Variants in SRPK2 observed in about 807,000 individuals in gnomAD.
SRPK2 encodes the protein SRSF protein kinase 2.
A neutral mutation model predicts 90.8 loss-of-function variants in SRPK2; 21 were observed. The ratio of observed to expected loss-of-function variants is 0.23; its 90% confidence interval spans 0.16 to 0.33. The LOEUF is 0.33. SRPK2 is among the 10% of genes least tolerant of loss of function. SRPK2 has a pLI of 1.00. For missense variants in SRPK2, 620 were observed against 869.0 expected (o/e 0.71, Z 3.60); for synonymous variants, 288 against 311.1 (o/e 0.93, Z 0.78).
intron 2 of SRPK2, among the ~76,000 whole-genome samples, chr7:105,322,020 T>C (rs1441550699): frequency 1.3e-5 from 2 of 152,120 alleles, no homozygotes; most frequent in African/African-American, 2.4e-5. Context: ...TTATCCACAA[T>C]AGCCAAAAAG....
intron 2 of SRPK2, among the ~76,000 whole-genome samples, chr7:105,365,217 G>GCTCA (rs1818885081): frequency 6.6e-6 from 1 of 152,100 alleles, no homozygotes; most frequent in South Asian, 2.1e-4. Flanking sequence ...AGGCACAGTG[G>GCTCA]CTCACGCCTG....
At chr7:105,260,180 C>T (rs945528895) in intron 2 of SRPK2, among the ~76,000 whole-genome samples, 5 of 151,946 alleles carry the variant, frequency 3.3e-5, no homozygotes, top group African/African-American at 1.2e-4. Context: ...GAACTTAAAC[C>T]AATTTACAAG....
chr7:105,343,733 A>C (rs901398407), intron 2 of SRPK2, among the ~76,000 whole-genome samples: 3 of 152,126 alleles, frequency 2.0e-5, no homozygotes, highest in Non-Finnish European at 4.4e-5. Context: ...ATAAATCTTT[A>C]TCTCTTAGTT....
intron 2 of SRPK2, among the ~76,000 whole-genome samples, chr7:105,224,824 T>C (rs1464954370): frequency 6.6e-6 from 1 of 152,184 alleles, no homozygotes; most frequent in Non-Finnish European, 1.5e-5. Context: ...TCAGTTAGTA[T>C]TCAAAGTGAA....
intron 2 of SRPK2, among the ~76,000 whole-genome samples, chr7:105,377,225 C>T (rs940719012): frequency 7.2e-5 from 11 of 152,178 alleles, no homozygotes; most frequent in African/African-American, 2.7e-4. Context: ...CCTTTACCAA[C>T]CCTACCTGTA....
At chr7:105,271,564 A>G (rs1176773662) in intron 2 of SRPK2, among the ~76,000 whole-genome samples, 1 of 152,194 alleles carries the variant, frequency 6.6e-6, no homozygotes. Context: ...ACATTCGTGA[A>G]GAATTCCAGA....
chr7:105,355,330 T>C (rs567452064), intron 2 of SRPK2, among the ~76,000 whole-genome samples: 2 of 150,740 alleles, frequency 1.3e-5, no homozygotes, highest in Admixed American at 1.3e-4. Context: ...ACCTCATCTC[T>C]ACGAAAAAAA....
At chr7:105,176,952 G>C (rs1021548111) in intron 3 of SRPK2, among the ~76,000 whole-genome samples, 6 of 152,006 alleles carry the variant, frequency 3.9e-5, no homozygotes, top group African/African-American at 1.5e-4. Context: ...ATATTTTCTT[G>C]AGTGAAGTAA....
chr7:105,331,308 CAAAAAAAAAAAAAA>C (rs57653042), intron 2 of SRPK2, among the ~76,000 whole-genome samples: 31 of 45,106 alleles, frequency 6.9e-4, no homozygotes, highest in East Asian at 3.3e-3. Context: ...GACTCCGTCT[CAAAAAAAAAAAAAA>C]AAAAAAAAAA....
At chr7:105,252,675 TTGAG>T (rs1802634658) in intron 2 of SRPK2, among the ~76,000 whole-genome samples, 1 of 152,116 alleles carries the variant, frequency 6.6e-6, no homozygotes, top group African/African-American at 2.4e-5. Context: ...TATATATCCA[TTGAG>T]TAAGAATTTC....
chr7:105,213,307 C>T (rs997725137), intron 2 of SRPK2, among the ~76,000 whole-genome samples: 10 of 152,118 alleles, frequency 6.6e-5, no homozygotes, highest in Admixed American at 2.0e-4. Flanking sequence ...GCATAGAATA[C>T]GGTAGGGATT....
upstream of SRPK2, among the ~76,000 whole-genome samples, chr7:105,393,459 CTTTTTTTTTTTT>C (rs58162170): frequency 1.1e-4 from 9 of 81,214 alleles, no homozygotes; most frequent in African/African-American, 4.0e-4. Context: ...TCTGGTTTTT[CTTTTTTTTTTTT>C]TTTTTTTTTT....
At chr7:105,290,208 A>AC (rs1563198806) in intron 2 of SRPK2, among the ~76,000 whole-genome samples, 1 of 152,132 alleles carries the variant, frequency 6.6e-6, no homozygotes, top group Non-Finnish European at 1.5e-5. Context: ...AAAAAAAAAA[A>AC]AAAAATGGCA....
intron 3 of SRPK2, among the ~76,000 whole-genome samples, chr7:105,184,605 T>A (rs1333508783): frequency 6.6e-6 from 1 of 152,208 alleles, no homozygotes; most frequent in Non-Finnish European, 1.5e-5. Context: ...CTAGAAGCTT[T>A]TAACTTCAGT....
intron 2 of SRPK2, among the ~76,000 whole-genome samples, chr7:105,226,835 T>C (rs534280242): frequency 2.0e-5 from 3 of 151,902 alleles, no homozygotes; most frequent in East Asian, 3.9e-4. Context: ...CCATCTCTAC[T>C]AAAAATAGAA....
chr7:105,239,300 A>T (rs1360470646), intron 2 of SRPK2, among the ~76,000 whole-genome samples: 1 of 152,260 alleles, frequency 6.6e-6, no homozygotes, highest in Non-Finnish European at 1.5e-5. Context: ...TTCTCAAACA[A>T]AAGCTACAAT....
Position 105,160,440 on chromosome 7 carries a change from C to T in SRPK2, c.621+67G>A, listed in dbSNP as rs766831205. The T allele has an allele frequency of 1.8e-4, 153 of 842,512 alleles. 2 individuals are homozygous for T. In the African/African-American group the frequency reaches 1.9e-3, roughly 11 times the overall value. The allele number at this position is 842,512 out of a possible 1,614,324, so 52.2% of individuals were successfully genotyped here. On this transcript the variant is annotated intron_variant, in intron 7 of 15. Transcript: ENST00000393651. ...TGTAATACATATACATATTTGTAAA[C>T]AGCATTCATGTTGAAAGCCTAACCA...
At chr7:105,345,061 A>C (rs1816295064) in intron 2 of SRPK2, among the ~76,000 whole-genome samples, 1 of 151,892 alleles carries the variant, frequency 6.6e-6, no homozygotes, top group African/African-American at 2.4e-5. Flanking sequence ...ACTTGAAACC[A>C]GGAGGCGGAG....
chr7:105,372,027 C>T (rs1217818856), intron 2 of SRPK2, among the ~76,000 whole-genome samples: 1 of 151,068 alleles, frequency 6.6e-6, no homozygotes, highest in African/African-American at 2.4e-5. Context: ...CCCAGTTACT[C>T]AGGAGGCTGA....
Sources: gnomAD v4.1 joint callset for allele counts (sites outside exome capture counted in the v4.1 genomes callset) on GRCh38, gnomAD v4.1.1 for gene constraint, MANE v1.5 for transcripts, NCBI Gene and HGNC (gene_info 2026-07-23, HGNC 2026-07-21) for gene names.